The following TXNDC16 variants were observed in gnomAD, a reference collection of about 807,000 sequenced individuals.
TXNDC16 encodes the protein thioredoxin domain containing 16, also known as thioredoxin domain-containing protein 16.
A neutral mutation model predicts 85.6 loss-of-function variants in TXNDC16; 74 were observed. The ratio of observed to expected loss-of-function variants is 0.86; its 90% CI spans 0.72 to 1.05. TXNDC16 has a LOEUF of 1.05. TXNDC16 is among the 50% of genes least tolerant of loss of function. The pLI, the probability that TXNDC16 is intolerant of heterozygous loss-of-function variation, is 0.00. For missense variants in TXNDC16, 959 were observed against 947.0 expected (o/e 1.01, Z -0.17); for synonymous variants, 335 against 326.5 (o/e 1.03, Z -0.28).
At chr14:52,513,293 T>G (rs1052264936) in intron 8 of TXNDC16, among the ~76,000 whole-genome samples, 1 of 152,126 alleles carries the variant, frequency 6.6e-6, no homozygotes, top group Non-Finnish European at 1.5e-5. Context: ...CAATAAATAT[T>G]TGCTGAATGA....
chr14:52,432,957 C>T (rs1041320049), intron 20 of TXNDC16, among the ~76,000 whole-genome samples: 2 of 152,134 alleles, frequency 1.3e-5, no homozygotes, highest in Non-Finnish European at 2.9e-5. Flanking sequence ...AAAAAGTCAC[C>T]TGCTTCCCTC....
chr14:52,478,858 C>G (rs562951230), intron 14 of TXNDC16, among the ~76,000 whole-genome samples: 59 of 152,038 alleles, frequency 3.9e-4, no homozygotes, highest in African/African-American at 1.3e-3. Flanking sequence ...AAAGACATAA[C>G]CAAAAAAGAA....
intron 9 of TXNDC16, 127 bp from the exon 10 acceptor site, chr14:52,491,132 A>G (rs2036395167): frequency 1.9e-6 from 2 of 1,071,958 alleles, no homozygotes; most frequent in Admixed American, 3.2e-5. Flanking sequence ...ACACTAACAG[A>G]AACGATCTCT....
chr14:52,519,817 G>A (rs941832642), intron 6 of TXNDC16, among the ~76,000 whole-genome samples: 8 of 152,198 alleles, frequency 5.3e-5, no homozygotes, highest in African/African-American at 1.9e-4. Flanking sequence ...TATGATCTCA[G>A]ATTAAACATC....
At chr14:52,485,196 G>C (rs1278317124) in intron 12 of TXNDC16, among the ~76,000 whole-genome samples, 1 of 152,070 alleles carries the variant, frequency 6.6e-6, no homozygotes, top group Non-Finnish European at 1.5e-5. Flanking sequence ...TACAAGCCTA[G>C]GCTAATGTGT....
intron 9 of TXNDC16, among the ~76,000 whole-genome samples, chr14:52,508,243 C>A (rs1275037532): frequency 2.0e-5 from 3 of 152,132 alleles, no homozygotes; most frequent in Non-Finnish European, 4.4e-5. Flanking sequence ...ACCCCATCAA[C>A]AAGTGGGCGA....
chr14:52,480,621 A>G (rs994039069), intron 14 of TXNDC16, among the ~76,000 whole-genome samples: 2 of 152,110 alleles, frequency 1.3e-5, no homozygotes, highest in African/African-American at 4.8e-5. Flanking sequence ...ACACAATGAG[A>G]TATCACCTTA....
chr14:52,433,761 G>A (rs1255523986), intron 20 of TXNDC16, among the ~76,000 whole-genome samples: 1 of 152,234 alleles, frequency 6.6e-6, no homozygotes, highest in East Asian at 1.9e-4. Flanking sequence ...TCAAATTGGT[G>A]TTGCCAGGTT....
At chr14:52,525,744 T>C (rs8022567) in intron 6 of TXNDC16, among the ~76,000 whole-genome samples, 2 of 105,120 alleles carry the variant, frequency 1.9e-5, no homozygotes, top group African/African-American at 3.2e-5. Flanking sequence ...ATAATAATAA[T>C]AAATAAAAAT....
At chr14:52,436,036 T>A (rs1213401907) in intron 20 of TXNDC16, among the ~76,000 whole-genome samples, 1 of 151,998 alleles carries the variant, frequency 6.6e-6, no homozygotes, top group South Asian at 2.1e-4. Context: ...AGTAATCAAA[T>A]TTCCCAATTT....
At chr14:52,506,861 C>T (rs2036821290) in intron 9 of TXNDC16, among the ~76,000 whole-genome samples, 1 of 149,798 alleles carries the variant, frequency 6.7e-6, no homozygotes, top group Non-Finnish European at 1.5e-5. Flanking sequence ...CGGCCTTCAA[C>T]AACCCTTCAT....
intron 5 of TXNDC16, 106 bp from the exon 6 acceptor site, chr14:52,536,899 G>T: frequency 1.1e-6 from 1 of 927,324 alleles, no homozygotes; most frequent in Non-Finnish European, 1.7e-6. Context: ...GGTCTTTGAT[G>T]TTACAGCTGT....
chr14:52,513,613 C>T (rs926522452), intron 8 of TXNDC16, among the ~76,000 whole-genome samples: 3 of 151,686 alleles, frequency 2.0e-5, no homozygotes, highest in African/African-American at 7.3e-5. Flanking sequence ...CAGAAAAATA[C>T]CATGCCTTAG....
In TXNDC16 at chr14:52,529,742, T is replaced by A. The variant is rs1423015327; in HGVS notation, c.392+6977A>T. Among the ~76,000 whole-genome samples, 67 of 117,738 alleles carry A rather than the reference T, an allele frequency of 5.7e-4. 1 individual carries two copies. Among genetic ancestry groups the A allele is most frequent in the Admixed American group, 2.1e-3 (21 of 10,114 alleles). The allele number at this position is 117,738 out of a possible 152,430, so 77.2% of individuals were successfully genotyped here. Reference sequence around the variant, plus strand: ...TTATATATATTATATATAATGCCTATTATATATTATATATAATACCTATTA... The same window carrying A: ...TTATATATATTATATATAATGCCTAATATATATTATATATAATACCTATTA... On this transcript the variant is annotated intron_variant, in intron 6 of 20. Coordinates refer to ENST00000281741, the MANE Select transcript of TXNDC16 (RefSeq NM_020784.3).
At chr14:52,455,510 C>A in intron 17 of TXNDC16, 48 bp from the exon 18 acceptor site, 1 of 1,605,404 alleles carries the variant, frequency 6.2e-7, no homozygotes, top group Non-Finnish European at 8.5e-7. Context: ...TCTAGCATGT[C>A]AAAAACATGA....
chr14:52,508,179 T>G (rs1456737109), intron 9 of TXNDC16, among the ~76,000 whole-genome samples: 2 of 152,190 alleles, frequency 1.3e-5, no homozygotes, highest in Non-Finnish European at 2.9e-5. Flanking sequence ...GACAAAGGGC[T>G]AATATCCAGA....
chr14:52,510,134 T>C (rs540789909), intron 9 of TXNDC16, among the ~76,000 whole-genome samples: 1 of 152,264 alleles, frequency 6.6e-6, no homozygotes, highest in South Asian at 2.1e-4. Context: ...ATCATAGACC[T>C]TGATAATGTT....
At chr14:52,464,270 G>A (rs2140124741) in intron 16 of TXNDC16, among the ~76,000 whole-genome samples, 1 of 152,252 alleles carries the variant, frequency 6.6e-6, no homozygotes, top group African/African-American at 2.4e-5. Flanking sequence ...ACGATAGACG[G>A]CAAAAATTTC....
intron 16 of TXNDC16, among the ~76,000 whole-genome samples, chr14:52,465,697 C>T (rs777286340): frequency 4.0e-5 from 6 of 149,372 alleles, no homozygotes; most frequent in Non-Finnish European, 8.9e-5. Context: ...TCAGAAAAAA[C>T]ACCCTATGTG....
Sources: allele counts gnomAD v4.1 joint callset (sites outside exome capture counted in the v4.1 genomes callset), GRCh38; gene constraint gnomAD v4.1.1; transcripts MANE v1.5; gene names NCBI Gene and HGNC (gene_info 2026-07-23, HGNC 2026-07-21).